PRKN: variants seen among roughly 807,000 people sequenced by gnomAD.
PRKN encodes the protein E3 ubiquitin-protein ligase parkin.
In PRKN, 56 loss-of-function variants were observed where a neutral mutation model predicts 59.5. That is an observed-to-expected ratio of 0.94 (90% CI 0.76 to 1.18). The LOEUF is 1.18. Among genes scored for constraint, PRKN ranks in the 50% most tolerant of loss-of-function variants. The pLI is 0.00. For synonymous variants in PRKN, 250 were observed against 222.1 expected (o/e 1.13, Z -1.12); for missense variants, 657 against 596.4 (o/e 1.10, Z -1.06).
At chr6:161,797,925 G>A (rs558177283) in intron 6 of PRKN, among the ~76,000 whole-genome samples, 1 of 152,312 alleles carries the variant, frequency 6.6e-6, no homozygotes, top group East Asian at 1.9e-4. Context: ...TTCAGAGCCA[G>A]GCGCAGTGGC....
chr6:162,718,890 A>C (rs1778827092), intron 1 of PRKN, among the ~76,000 whole-genome samples: 1 of 152,166 alleles, frequency 6.6e-6, no homozygotes, highest in Non-Finnish European at 1.5e-5. Context: ...GATGATATAA[A>C]AGTCAATACC....
chr6:162,238,043 C>G (rs1358608191), intron 3 of PRKN, among the ~76,000 whole-genome samples: 1 of 152,140 alleles, frequency 6.6e-6, no homozygotes, highest in Non-Finnish European at 1.5e-5. Flanking sequence ...TCCTCATCAG[C>G]AAAATGAATG....
intron 3 of PRKN, among the ~76,000 whole-genome samples, chr6:162,235,973 G>GAAAGAAAGAAAGAA (rs1778671882): frequency 1.0e-5 from 1 of 95,988 alleles, no homozygotes; most frequent in African/African-American, 6.5e-5. Context: ...AAGAAAGAAA[G>GAAAGAAAGAAAGAA]AAAGAAAGAA....
chr6:162,596,781 C>T (rs1182504970), intron 1 of PRKN, among the ~76,000 whole-genome samples: 1 of 152,102 alleles, frequency 6.6e-6, no homozygotes, highest in Non-Finnish European at 1.5e-5. Flanking sequence ...AAAATTAGGA[C>T]AGCAGAGAAA....
At chr6:161,658,133 A>G (rs1460829804) in intron 7 of PRKN, among the ~76,000 whole-genome samples, 1 of 152,020 alleles carries the variant, frequency 6.6e-6, no homozygotes, top group Non-Finnish European at 1.5e-5. Context: ...TCTTATTTCC[A>G]TTTACCTTGC....
intron 9 of PRKN, among the ~76,000 whole-genome samples, chr6:161,534,246 C>T (rs1779329182): frequency 6.6e-6 from 1 of 152,144 alleles, no homozygotes; most frequent in Non-Finnish European, 1.5e-5. Flanking sequence ...CACTCTGTTC[C>T]AGAATCTTCT....
At chr6:162,148,528 A>G (rs1405799326) in intron 4 of PRKN, among the ~76,000 whole-genome samples, 1 of 152,174 alleles carries the variant, frequency 6.6e-6, no homozygotes, top group Non-Finnish European at 1.5e-5. Context: ...CAATCCTTAA[A>G]AGGTCCTATG....
intron 5 of PRKN, among the ~76,000 whole-genome samples, chr6:162,011,316 T>A (rs191761572): frequency 3.5e-3 from 26 of 7,470 alleles, no homozygotes; most frequent in Admixed American, 7.7e-3. Context: ...TATGATATAT[T>A]TTTATAATAT....
intron 9 of PRKN, among the ~76,000 whole-genome samples, chr6:161,534,744 GC>G: frequency 6.6e-6 from 1 of 152,328 alleles, no homozygotes; most frequent in Non-Finnish European, 1.5e-5. Context: ...CCACATACAT[GC>G]TGGATAACCA....
chr6:162,427,106 T>C (rs1400840816), intron 2 of PRKN, among the ~76,000 whole-genome samples: 7 of 152,308 alleles, frequency 4.6e-5, no homozygotes, highest in Admixed American at 6.5e-5. Flanking sequence ...AGATGCTTAA[T>C]TGAGAAGTAA....
chr6:162,241,045 A>G (rs553268712), intron 3 of PRKN, among the ~76,000 whole-genome samples: 1 of 152,314 alleles, frequency 6.6e-6, no homozygotes, highest in African/African-American at 2.4e-5. Context: ...ATTTCCTTTC[A>G]ATGTTAGAAA....
At chr6:161,779,521 T>C (rs1036719453) in intron 7 of PRKN, among the ~76,000 whole-genome samples, 6 of 137,928 alleles carry the variant, frequency 4.4e-5, no homozygotes, top group African/African-American at 1.7e-4. Flanking sequence ...CGTGGCTCAC[T>C]GCAACTTCCA....
At chr6:161,374,715 T>TG in intron 10 of PRKN, among the ~76,000 whole-genome samples, 1 of 150,930 alleles carries the variant, frequency 6.6e-6, no homozygotes, top group African/African-American at 2.4e-5. Context: ...TGTTTATGTG[T>TG]GTGGCATGTG....
chr6:161,762,433 T>C (rs1308652616), intron 7 of PRKN, among the ~76,000 whole-genome samples: 1 of 152,186 alleles, frequency 6.6e-6, no homozygotes, highest in Non-Finnish European at 1.5e-5. Context: ...CAGGGTCTTT[T>C]AATGCAGAAG....
intron 6 of PRKN, among the ~76,000 whole-genome samples, chr6:161,960,819 G>A (rs994706940): frequency 7.2e-5 from 11 of 152,240 alleles, no homozygotes; most frequent in African/African-American, 2.2e-4. Flanking sequence ...ATGGTAGACA[G>A]CTTGCTTTTC....
At chr6:162,262,378 T>G in intron 3 of PRKN, 147 bp downstream of exon 3, 1 of 911,142 alleles carries the variant, frequency 1.1e-6, no homozygotes. Context: ...GTACTCCACC[T>G]ACAGTGATGT....
At chr6:161,699,809 C>T (rs1031782469) in intron 7 of PRKN, among the ~76,000 whole-genome samples, 8 of 152,016 alleles carry the variant, frequency 5.3e-5, no homozygotes, top group South Asian at 2.1e-4. Flanking sequence ...GTGGTTTCAC[C>T]GATGTGTACA....
chr6:162,708,252 C>G (rs906656170), intron 1 of PRKN, among the ~76,000 whole-genome samples: 1 of 152,118 alleles, frequency 6.6e-6, no homozygotes, highest in African/African-American at 2.4e-5. Flanking sequence ...ATAAAAATAT[C>G]TGAAAACTGT....
chr6:162,121,677 TACAG>T (rs1780920810), intron 4 of PRKN, among the ~76,000 whole-genome samples: 1 of 152,160 alleles, frequency 6.6e-6, no homozygotes, highest in African/African-American at 2.4e-5. Context: ...TGGGTCCTGA[TACAG>T]ACTAAACACC....
Sources: allele counts gnomAD v4.1 joint callset (sites outside exome capture counted in the v4.1 genomes callset), GRCh38; gene constraint gnomAD v4.1.1; transcripts MANE v1.5; gene names NCBI Gene and HGNC (gene_info 2026-07-23, HGNC 2026-07-21).